FILIP1L: variants seen among roughly 807,000 people sequenced by gnomAD.
FILIP1L encodes the protein filamin A-interacting protein 1-like.
FILIP1L carries 55 observed loss-of-function variants against 96.6 expected under a neutral mutation model. The ratio of observed to expected loss-of-function variants is 0.57; its 90% CI spans 0.46 to 0.71. FILIP1L has a LOEUF of 0.71. FILIP1L is among the 30% of genes least tolerant of loss of function. The pLI is 0.00. For synonymous variants in FILIP1L, 467 were observed against 473.9 expected (o/e 0.99, Z 0.19); for missense variants, 1,304 against 1,321.2 (o/e 0.99, Z 0.20).
chr3:99,882,054 GTTTTC>G (rs903840195), intron 4 of FILIP1L, among the ~76,000 whole-genome samples: 3 of 152,076 alleles, frequency 2.0e-5, no homozygotes, highest in Admixed American at 2.0e-4. Flanking sequence ...GGATTTATAT[GTTTTC>G]TTTTATCTTT....
At chr3:99,881,086 G>T (rs1705710851) in intron 4 of FILIP1L, among the ~76,000 whole-genome samples, 1 of 152,130 alleles carries the variant, frequency 6.6e-6, no homozygotes, top group South Asian at 2.1e-4. Context: ...AAGCAAGGAA[G>T]TCTATTTAAT....
At chr3:100,104,571 G>A (rs547118968) in intron 1 of FILIP1L, among the ~76,000 whole-genome samples, 1 of 152,160 alleles carries the variant, frequency 6.6e-6, no homozygotes, top group Non-Finnish European at 1.5e-5. Context: ...AGTGACCAAG[G>A]CAGAGAAGAA....
intron 1 of FILIP1L, among the ~76,000 whole-genome samples, chr3:100,070,249 G>GCTAACA (rs1470619044): frequency 1.3e-5 from 2 of 152,166 alleles, no homozygotes; most frequent in Non-Finnish European, 2.9e-5. Flanking sequence ...ATTTTGTGGG[G>GCTAACA]AGGTCAGTTG....
intron 1 of FILIP1L, among the ~76,000 whole-genome samples, chr3:99,973,790 T>TA (rs1356605999): frequency 1.3e-5 from 2 of 152,220 alleles, no homozygotes; most frequent in African/African-American, 4.8e-5. Context: ...GGGATGCAGG[T>TA]ATCATGTTAG....
chr3:100,036,863 C>T (rs1346000745), intron 1 of FILIP1L, among the ~76,000 whole-genome samples: 1 of 152,098 alleles, frequency 6.6e-6, no homozygotes, highest in Non-Finnish European at 1.5e-5. Context: ...TGATATTACG[C>T]AGTGAGAAAG....
intron 4 of FILIP1L, among the ~76,000 whole-genome samples, chr3:99,874,711 A>G (rs1371415375): frequency 6.6e-6 from 1 of 152,252 alleles, no homozygotes; most frequent in African/African-American, 2.4e-5. Flanking sequence ...AACAGAAATT[A>G]TTAGAAATAT....
chr3:99,830,413 G>C lies in FILIP1L; in HGVS notation c.*1C>G. 4.5e-6 allele frequency: 2 copies of C among 440,560 alleles called. No homozygotes were observed. The highest frequency in any genetic ancestry group is 7.0e-5 in the East Asian group (1 of 14,258). The allele number at this position is 440,560 out of a possible 1,614,324, so 27.3% of individuals were successfully genotyped here. A position where few individuals can be genotyped will look rare whatever the true frequency, so the allele number is the denominator to read the frequency against. On this transcript the variant is annotated 3_prime_UTR_variant, in exon 6 of 6. Coordinates refer to ENST00000477258, the MANE Select transcript of FILIP1L (RefSeq NM_001387850.1). Reference sequence around the variant, plus strand: ...GTATCCAGGCAGTGCATTGGTATGAGTTACCTTCTCCCTCCCACGTGGAGG... The same window carrying C: ...GTATCCAGGCAGTGCATTGGTATGACTTACCTTCTCCCTCCCACGTGGAGG...
At chr3:100,070,163 C>G (rs1224168662) in intron 1 of FILIP1L, among the ~76,000 whole-genome samples, 1 of 152,190 alleles carries the variant, frequency 6.6e-6, no homozygotes, top group African/African-American at 2.4e-5. Context: ...ATTCCTGTTA[C>G]AGCCAGAGCA....
intron 1 of FILIP1L, among the ~76,000 whole-genome samples, chr3:100,107,831 C>G (rs898622644): frequency 6.8e-6 from 1 of 146,788 alleles, no homozygotes; most frequent in African/African-American, 2.5e-5. Context: ...ATTATGGAAT[C>G]TTCATTACAT....
At chr3:99,883,423 A>C (rs1576545968) in intron 4 of FILIP1L, among the ~76,000 whole-genome samples, 1 of 152,230 alleles carries the variant, frequency 6.6e-6, no homozygotes, top group East Asian at 1.9e-4. Flanking sequence ...CCCTGTGTCC[A>C]AAAGGTTGGT....
intron 1 of FILIP1L, chr3:100,075,513 G>A (rs923898875): frequency 3.3e-5 from 5 of 150,640 alleles, no homozygotes; most frequent in East Asian, 1.9e-4. Context: ...TCGAAGCTTC[G>A]GGTTTTTGCT....
intron 4 of FILIP1L, among the ~76,000 whole-genome samples, chr3:99,859,116 A>T (rs909333920): frequency 2.6e-5 from 4 of 152,262 alleles, no homozygotes; most frequent in Non-Finnish European, 4.4e-5. Context: ...CCAATTTGAA[A>T]TAAGAGTATG....
intron 1 of FILIP1L, chr3:100,109,902 G>A (rs915706230): frequency 3.4e-5 from 3 of 88,254 alleles, no homozygotes; most frequent in African/African-American, 1.9e-4. Context: ...TTTCTTTTAT[G>A]ACCCCCCCCC....
chr3:100,013,212 A>AGGT (rs1232275173), intron 1 of FILIP1L, among the ~76,000 whole-genome samples: 37 of 127,514 alleles, frequency 2.9e-4, no homozygotes, highest in South Asian at 5.4e-4. Context: ...AAGGCCAGTG[A>AGGT]GGTGTTGTTG....
chr3:100,011,188 A>C (rs971744738), intron 1 of FILIP1L, among the ~76,000 whole-genome samples: 1 of 152,172 alleles, frequency 6.6e-6, no homozygotes, highest in African/African-American at 2.4e-5. Context: ...ATTAGTAAGA[A>C]GGATGTCTAT....
intron 4 of FILIP1L, among the ~76,000 whole-genome samples, chr3:99,892,499 C>T (rs1230160435): frequency 6.6e-6 from 1 of 152,220 alleles, no homozygotes; most frequent in Non-Finnish European, 1.5e-5. Flanking sequence ...AGCCTTGTGG[C>T]AGGTTCTAGA....
intron 4 of FILIP1L, among the ~76,000 whole-genome samples, chr3:99,901,780 A>G (rs1706445483): frequency 1.3e-5 from 2 of 152,188 alleles, no homozygotes; most frequent in Non-Finnish European, 2.9e-5. Flanking sequence ...TTGTTGATAA[A>G]TAGCACAGAT....
chr3:99,846,395 C>G (rs1346610309), intron 5 of FILIP1L, among the ~76,000 whole-genome samples: 1 of 152,194 alleles, frequency 6.6e-6, no homozygotes. Flanking sequence ...CTCTCAGTAA[C>G]TAGAAAAAGA....
intron 1 of FILIP1L, among the ~76,000 whole-genome samples, chr3:100,044,094 C>A (rs1271471650): frequency 6.6e-6 from 1 of 152,098 alleles, no homozygotes; most frequent in Non-Finnish European, 1.5e-5. Flanking sequence ...TCCTGCTTTG[C>A]AAGATTTTAA....
Sources: gnomAD v4.1 joint callset for allele counts (sites outside exome capture counted in the v4.1 genomes callset) on GRCh38, gnomAD v4.1.1 for gene constraint, MANE v1.5 for transcripts, NCBI Gene and HGNC (gene_info 2026-07-23, HGNC 2026-07-21) for gene names.